The following BGN variants were observed in gnomAD, a reference collection of about 807,000 sequenced individuals.
BGN encodes the protein bone/cartilage proteoglycan-I.
Under a neutral mutation model 20.0 loss-of-function variants are expected in BGN, and 6 were observed. The observed-to-expected ratio is 0.30, with a 90% CI of 0.16 to 0.59. The LOEUF (loss-of-function observed/expected upper bound fraction) is 0.59. BGN is among the 20% of genes least tolerant of loss of function. The probability of loss-of-function intolerance (pLI) is 0.88; values close to 1 mark genes in which losing one functional copy is unlikely to be tolerated. For synonymous variants in BGN, 146 were observed against 134.6 expected (o/e 1.08, Z -0.59); for missense variants, 292 against 312.1 (o/e 0.94, Z 0.49).
rs1461567077 is a variant in BGN, at chrX:153,498,772, C to A, written c.-12+3659C>A. ...GAGACGATGGCTTTTCCAGGAGACTCCCTGCAGACAGAGGCAGAGGTGAGA... is the reference window on the plus strand; with the variant it reads ...GAGACGATGGCTTTTCCAGGAGACTACCTGCAGACAGAGGCAGAGGTGAGA... On this transcript the variant is annotated intron_variant, in intron 1 of 7. Transcript: ENST00000331595. Among the ~76,000 whole-genome samples the A allele has an allele frequency of 2.7e-5, 3 of 112,240 alleles. No homozygotes were observed. The East Asian group carries it at 8.4e-4, about 32-fold the overall frequency.
At chrX:153,502,357 C>G in intron 1 of BGN, among the ~76,000 whole-genome samples, 1 of 111,977 alleles carries the variant, frequency 8.9e-6, no homozygotes, top group Non-Finnish European at 1.9e-5. Context: ...TTGGCAGGGG[C>G]ATCGGCAAGG....
chrX:153,508,126 G>T, intron 7 of BGN, 122 bp from the exon 8 acceptor site: 2 of 763,348 alleles, frequency 2.6e-6, no homozygotes, highest in Non-Finnish European at 3.9e-6. Flanking sequence ...TCCCAACAAC[G>T]GGGAGCCTCT....
At chrX:153,502,309 T>C (rs1398724268) in intron 1 of BGN, among the ~76,000 whole-genome samples, 3 of 112,024 alleles carry the variant, frequency 2.7e-5, no homozygotes, top group Non-Finnish European at 3.8e-5. Flanking sequence ...TGGCGGGGTG[T>C]CCCAGCCCTG....
chrX:153,497,872 C>T (rs2124215313), intron 1 of BGN, among the ~76,000 whole-genome samples: 1 of 112,594 alleles, frequency 8.9e-6, no homozygotes, highest in African/African-American at 3.2e-5. Context: ...GCCCCCTTCG[C>T]TGTTTCGCTG....
At chrX:153,501,184 CTG>C (rs55729166) in intron 1 of BGN, among the ~76,000 whole-genome samples, 2 of 109,259 alleles carry the variant, frequency 1.8e-5, no homozygotes, top group Non-Finnish European at 3.8e-5. Flanking sequence ...ATGTGTGCAT[CTG>C]TGTGTGTGTT....
intron 3 of BGN, 21 bp from the exon 4 acceptor site, chrX:153,505,842 C>T: frequency 8.3e-7 from 1 of 1,199,228 alleles, no homozygotes. Flanking sequence ...GCCTTCACCT[C>T]CTCCGCCCAC....
At chrX:153,499,545 G>A (rs1341949823) in intron 1 of BGN, among the ~76,000 whole-genome samples, 3 of 113,482 alleles carry the variant, frequency 2.6e-5, no homozygotes, top group African/African-American at 9.6e-5. Flanking sequence ...TGGCTGCAAG[G>A]GGAGCAGACG....
intron 1 of BGN, among the ~76,000 whole-genome samples, chrX:153,502,228 G>A (rs782683318): frequency 1.3e-4 from 15 of 112,224 alleles, no homozygotes; most frequent in South Asian, 3.7e-4. Flanking sequence ...ACAGCCTCCC[G>A]TAGGCCCAGC....
At position 153,499,170 on chromosome X, in the gene BGN, T is replaced by A. The variant is rs782353047; in HGVS notation, c.-12+4057T>A. Among the ~76,000 whole-genome samples, 3 of 112,326 alleles carry A rather than the reference T, an allele frequency of 2.7e-5. No homozygotes were observed. The South Asian group carries it at 1.1e-3, about 41-fold the overall frequency. ...TTATAGTCAACGGGGGACGGCAGGATGCTAAGTAAAGAAATCACATGAGTC... is the reference window on the plus strand; with the variant it reads ...TTATAGTCAACGGGGGACGGCAGGAAGCTAAGTAAAGAAATCACATGAGTC... On this transcript the variant is annotated intron_variant, in intron 1 of 7. Transcript: ENST00000331595.
intron 1 of BGN, among the ~76,000 whole-genome samples, chrX:153,500,089 G>C (rs782113632): frequency 1.8e-5 from 2 of 113,142 alleles, no homozygotes; most frequent in Non-Finnish European, 3.8e-5. Context: ...CCCTGCTCCC[G>C]CCGCCCTTGG....
At chrX:153,497,710 G>T (rs2089729454) in intron 1 of BGN, among the ~76,000 whole-genome samples, 1 of 110,055 alleles carries the variant, frequency 9.1e-6, no homozygotes, top group East Asian at 2.9e-4. Flanking sequence ...CCCTGGGGAA[G>T]GCCTGGGGCC....
rs1186584817 is a variant in BGN, at chrX:153,506,009, C to A, written c.498C>A (p.Ile166=). 3 of 1,210,383 alleles carry A rather than the reference C, an allele frequency of 2.5e-6. No homozygotes were observed. The highest frequency in any genetic ancestry group is 2.2e-6 in the Non-Finnish European group (2 of 895,315). ...CCAGCTCCCTGGTGGAGCTCCGCAT[C>A]CACGACAACCGCATCCGCAAGGTGC... ...NLPSSLVELR[I]HDNRIRKVPK... Residue 166 remains isoleucine, a synonymous_variant, in exon 4 of 8, where the codon ATC becomes ATA. Transcript: ENST00000331595.
At chrX:153,503,825 C>T (rs1003456109) in intron 1 of BGN, among the ~76,000 whole-genome samples, 1 of 106,390 alleles carries the variant, frequency 9.4e-6, no homozygotes, top group Non-Finnish European at 1.9e-5. Context: ...AGGAAGGGTG[C>T]GAGCAGATCT....
At chrX:153,507,669 G>A (rs1198598563) in intron 7 of BGN, among the ~76,000 whole-genome samples, 1 of 113,410 alleles carries the variant, frequency 8.8e-6, no homozygotes, top group Admixed American at 9.2e-5. Context: ...CACCAGCTGC[G>A]AGCCAGCACC....
At chrX:153,499,658 G>A (rs1213469056) in intron 1 of BGN, among the ~76,000 whole-genome samples, 3 of 113,276 alleles carry the variant, frequency 2.6e-5, no homozygotes, top group Non-Finnish European at 5.6e-5. Flanking sequence ...CCCTCAGGCA[G>A]CCACTCCCAC....
chrX:153,499,220 C>T (rs1472373056), intron 1 of BGN, among the ~76,000 whole-genome samples: 2 of 112,624 alleles, frequency 1.8e-5, no homozygotes, highest in South Asian at 3.6e-4. Context: ...TGAGAGGTGA[C>T]AGCATCCTCC....
At chrX:153,504,394 T>G (rs369631460) in intron 1 of BGN, among the ~76,000 whole-genome samples, 5 of 111,899 alleles carry the variant, frequency 4.5e-5, no homozygotes, top group East Asian at 5.7e-4. Context: ...GTGGAAGCAG[T>G]GAAGGGAGTG....
Position 153,505,267 on chromosome X carries a change from C to G in BGN, c.268C>G (p.Pro90Ala). Residue 90 changes from proline (P) to alanine (A), a missense_variant, in exon 3 of 8, where the codon CCT becomes GCT. Transcript: ENST00000331595. ...GAAGTCTGTGCCCAAAGAGATCTCC[C>G]CTGACACCACGCTGCTGGACCTGCA... ...GLKSVPKEISPDTTLLDLQNN... is the reference protein window; with the variant it reads ...GLKSVPKEISADTTLLDLQNN... 1 of 1,209,423 alleles carries G rather than the reference C, an allele frequency of 8.3e-7. No homozygotes were observed. Among genetic ancestry groups the G allele is most frequent in the South Asian group, 1.8e-5 (1 of 56,819 alleles).
chrX:153,503,826 G>A (rs1056826217), intron 1 of BGN, among the ~76,000 whole-genome samples: 6 of 109,862 alleles, frequency 5.5e-5, no homozygotes, highest in East Asian at 2.9e-4. Flanking sequence ...GGAAGGGTGC[G>A]AGCAGATCTG....
Sources: allele counts gnomAD v4.1 joint callset (sites outside exome capture counted in the v4.1 genomes callset), GRCh38; gene constraint gnomAD v4.1.1; transcripts MANE v1.5; gene names NCBI Gene and HGNC (gene_info 2026-07-23, HGNC 2026-07-21).